MTSS1: variants seen among roughly 807,000 people sequenced by gnomAD.
MTSS1 encodes MTSS I-BAR domain containing 1, also known as protein MTSS 1.
A neutral mutation model predicts 79.0 loss-of-function variants in MTSS1; 18 were observed. The observed-to-expected ratio is 0.23, with a 90% CI of 0.16 to 0.34. MTSS1 has a LOEUF of 0.34. Ranked by LOEUF, MTSS1 falls within the 10% of genes least tolerant of loss-of-function variation. MTSS1 has a pLI of 1.00. For synonymous variants in MTSS1, 341 were observed against 368.6 expected, an observed-to-expected ratio of 0.93 and a Z score of 0.86; for missense variants, 815 against 986.2, an observed-to-expected ratio of 0.83 and a Z score of 2.33.
Position 124,585,170 on chromosome 8 carries a change from A to G in MTSS1, c.386-9T>C, listed in dbSNP as rs751656724. Reference sequence around the variant, plus strand: ...GCGGGCTTTCTTATATTCTAAGAGAAAGCAGAATATGGAACAATTTTACCA... The same window carrying G: ...GCGGGCTTTCTTATATTCTAAGAGAGAGCAGAATATGGAACAATTTTACCA... On this transcript the variant is annotated splice_polypyrimidine_tract_variant and intron_variant, in intron 5 of 13. Transcript: ENST00000518547. The G allele has an allele frequency of 3.7e-6, 6 of 1,606,594 alleles. No homozygotes were observed. In the African/African-American group the frequency reaches 8.0e-5, roughly 22 times the overall value.
In MTSS1 at chr8:124,567,114, C is replaced by G. The variant is rs959667112; in HGVS notation, c.683G>C (p.Ser228Thr). The G allele has an allele frequency of 1.2e-6, 2 of 1,614,178 alleles. No homozygotes were observed. Among genetic ancestry groups the G allele is most frequent in the Non-Finnish European group, 1.7e-6 (2 of 1,180,008 alleles). ...HLQTISEDLKSLTMDPHKLPS... is the reference protein window; with the variant it reads ...HLQTISEDLKTLTMDPHKLPS... ...CAGTTTGTGAGGGTCCATGGTCAGGCTTTTTAGATCTTCCGAGATGGTCTG... is the reference window on the plus strand; with the variant it reads ...CAGTTTGTGAGGGTCCATGGTCAGGGTTTTTAGATCTTCCGAGATGGTCTG... Residue 228 changes from serine to threonine, a missense_variant, in exon 8 of 14, where the codon AGC (serine) becomes ACC (threonine). Around this residue, in one of 2 missense-constraint regions of MTSS1, gnomAD observed 225 missense variants for 365.4 expected, o/e 0.62. Transcript: ENST00000518547.
intron 3 of MTSS1, among the ~76,000 whole-genome samples, chr8:124,650,435 C>A (rs971214523): frequency 6.6e-6 from 1 of 152,174 alleles, no homozygotes; most frequent in East Asian, 1.9e-4. Context: ...ACAGGATGGA[C>A]AAGAATGAGA....
At chr8:124,560,861 C>G (rs916886635) in intron 10 of MTSS1, among the ~76,000 whole-genome samples, 13 of 152,120 alleles carry the variant, frequency 8.5e-5, no homozygotes, top group African/African-American at 3.1e-4. Flanking sequence ...GGGAGGTAAA[C>G]CAGAGAATTC....
At chr8:124,643,760 T>A (rs1818505843) in intron 3 of MTSS1, among the ~76,000 whole-genome samples, 1 of 151,234 alleles carries the variant, frequency 6.6e-6, no homozygotes, top group African/African-American at 2.4e-5. Flanking sequence ...GGATTTCATG[T>A]TATAAATATA....
At chr8:124,590,609 C>A (rs1286146312) in intron 4 of MTSS1, among the ~76,000 whole-genome samples, 1 of 152,202 alleles carries the variant, frequency 6.6e-6, no homozygotes, top group Admixed American at 6.5e-5. Flanking sequence ...CTGAATGATG[C>A]TGATCTGCTT....
intron 3 of MTSS1, among the ~76,000 whole-genome samples, chr8:124,664,907 C>T (rs1298414138): frequency 1.3e-5 from 2 of 152,186 alleles, no homozygotes; most frequent in Non-Finnish European, 2.9e-5. Flanking sequence ...ATCCATTTTA[C>T]AGTTCATTCT....
intron 3 of MTSS1, among the ~76,000 whole-genome samples, chr8:124,672,967 T>C (rs752776663): frequency 1.2e-4 from 19 of 152,108 alleles, no homozygotes; most frequent in Admixed American, 2.6e-4. Flanking sequence ...CTCTCATTTA[T>C]TGTCCAGGAA....
chr8:124,628,729 C>A (rs1815247991), intron 3 of MTSS1, among the ~76,000 whole-genome samples: 2 of 152,154 alleles, frequency 1.3e-5, no homozygotes, highest in Admixed American at 1.3e-4. Flanking sequence ...CCAGGAACTC[C>A]AAGAAGTACC....
chr8:124,643,698 CAAAAAAAAAAAA>C (rs11323836), intron 3 of MTSS1, among the ~76,000 whole-genome samples: 7 of 66,920 alleles, frequency 1.0e-4, no homozygotes, highest in Non-Finnish European at 1.7e-4. Context: ...AATTCCGTCT[CAAAAAAAAAAAA>C]AAAAAAAAAA....
chr8:124,721,304 A>C (rs1342349080), intron 1 of MTSS1, among the ~76,000 whole-genome samples: 1 of 152,186 alleles, frequency 6.6e-6, no homozygotes, highest in Non-Finnish European at 1.5e-5. Context: ...ATCGCAAAAA[A>C]AAAAATCACA....
At chr8:124,654,437 T>G (rs1820576033) in intron 3 of MTSS1, among the ~76,000 whole-genome samples, 1 of 152,192 alleles carries the variant, frequency 6.6e-6, no homozygotes, top group African/African-American at 2.4e-5. Context: ...ATGTGAGGCA[T>G]ATTAACGAGT....
intron 11 of MTSS1, 56 bp downstream of exon 11, chr8:124,557,625 A>G: frequency 6.8e-7 from 1 of 1,469,504 alleles, no homozygotes; most frequent in Non-Finnish European, 9.3e-7. Context: ...TTGGAACAGA[A>G]GAGGGGTGAG....
At chr8:124,613,473 A>T (rs1191059696) in intron 3 of MTSS1, among the ~76,000 whole-genome samples, 1 of 152,232 alleles carries the variant, frequency 6.6e-6, no homozygotes, top group Admixed American at 6.5e-5. Flanking sequence ...ACTCTCAGCT[A>T]AATCTGGTTT....
intron 3 of MTSS1, among the ~76,000 whole-genome samples, chr8:124,632,206 G>A (rs1563900405): frequency 6.8e-6 from 1 of 146,864 alleles, no homozygotes. Flanking sequence ...TTGAGCTTAG[G>A]AGTTCAAGGA....
intron 3 of MTSS1, among the ~76,000 whole-genome samples, chr8:124,595,630 C>T: frequency 6.6e-6 from 1 of 152,188 alleles, no homozygotes; most frequent in Non-Finnish European, 1.5e-5. Context: ...CTGGATCATC[C>T]AGGATCACCT....
chr8:124,557,693 G>T lies in MTSS1; in HGVS notation c.1218C>A (p.Ile406=), dbSNP rs764524904. The T allele has an allele frequency of 6.3e-7, 1 of 1,580,854 alleles. No homozygotes were observed. The highest frequency in any genetic ancestry group is 1.2e-5 in the South Asian group (1 of 86,062). The stretch of plus-strand genomic sequence containing the variant: ...GAGAGACACAAACCTTCCAGCTAGG[G>T]ATCTGAGATGACGGGAACATGCCGG... ...IGPGMFPSSQ[I]PSWKDWAKPG... The change falls in exon 11 of 14, where the codon ATC becomes ATA. Residue 406 remains isoleucine (I), a synonymous_variant. Transcript: ENST00000518547.
intron 11 of MTSS1, among the ~76,000 whole-genome samples, chr8:124,557,090 G>C (rs1824004213): frequency 6.6e-6 from 1 of 152,186 alleles, no homozygotes; most frequent in Non-Finnish European, 1.5e-5. Context: ...GGACTTGCTA[G>C]GGGATCATTT....
At chr8:124,602,698 C>T (rs754608279) in intron 3 of MTSS1, among the ~76,000 whole-genome samples, 1 of 152,160 alleles carries the variant, frequency 6.6e-6, no homozygotes, top group South Asian at 2.1e-4. Flanking sequence ...GCTAGCCAGA[C>T]CTCGGCTAGA....
At chr8:124,666,931 G>C (rs1165506144) in intron 3 of MTSS1, among the ~76,000 whole-genome samples, 1 of 152,158 alleles carries the variant, frequency 6.6e-6, no homozygotes, top group African/African-American at 2.4e-5. Flanking sequence ...TAGGGGGAGA[G>C]TTGAAGAAGC....
Sources: allele counts gnomAD v4.1 joint callset (sites outside exome capture counted in the v4.1 genomes callset), GRCh38; gene constraint gnomAD v4.1.1; regional missense constraint gnomAD v4.1.1; transcripts MANE v1.5; gene names NCBI Gene and HGNC (gene_info 2026-07-23, HGNC 2026-07-21).